XXYLT1: variants seen among roughly 807,000 people sequenced by gnomAD.
The protein encoded by XXYLT1 is xyloside xylosyltransferase 1, also known as UDP-xylose:alpha-xyloside alpha-1,3-xylosyltransferase.
Under a neutral mutation model 28.9 loss-of-function variants are expected in XXYLT1, and 20 were observed. The ratio of observed to expected loss-of-function variants is 0.69; its 90% confidence interval spans 0.49 to 1.00. The LOEUF is 1.00. XXYLT1 is among the 50% of genes least tolerant of loss of function. The pLI is 0.00. For missense variants in XXYLT1, 542 were observed against 560.1 expected (o/e 0.97, Z 0.33); for synonymous variants, 257 against 253.8 (o/e 1.01, Z -0.12).
intron 1 of XXYLT1, among the ~76,000 whole-genome samples, chr3:195,248,393 G>T (rs769380884): frequency 6.6e-6 from 1 of 152,186 alleles, no homozygotes; most frequent in South Asian, 2.1e-4. Flanking sequence ...GGTCTTTCCC[G>T]TGCAGTTCCT....
intron 3 of XXYLT1, among the ~76,000 whole-genome samples, chr3:195,112,757 G>GCACA (rs1717836866): frequency 1.2e-5 from 1 of 84,248 alleles, no homozygotes; most frequent in Non-Finnish European, 2.7e-5. Flanking sequence ...GAAGCAGTGC[G>GCACA]CGCATGCACA....
At chr3:195,212,264 AG>A (rs1356487261) in intron 2 of XXYLT1, among the ~76,000 whole-genome samples, 1 of 152,214 alleles carries the variant, frequency 6.6e-6, no homozygotes, top group Non-Finnish European at 1.5e-5. Context: ...GGCTGAAGCC[AG>A]GGCTGCTGGA....
intron 3 of XXYLT1, among the ~76,000 whole-genome samples, chr3:195,118,371 G>A (rs1304565147): frequency 6.6e-6 from 1 of 152,104 alleles, no homozygotes; most frequent in Non-Finnish European, 1.5e-5. Flanking sequence ...GGAGCCCCAT[G>A]GCCCGTGGCC....
chr3:195,165,877 A>G (rs1383748272), intron 2 of XXYLT1, among the ~76,000 whole-genome samples: 2 of 152,172 alleles, frequency 1.3e-5, no homozygotes, highest in Admixed American at 1.3e-4. Flanking sequence ...ACTGGACTAC[A>G]CACTTTACAT....
chr3:195,119,620 G>C (rs1163357783), intron 3 of XXYLT1, among the ~76,000 whole-genome samples: 1 of 151,900 alleles, frequency 6.6e-6, no homozygotes. Flanking sequence ...TGAAGCGATG[G>C]CTGGAGCTAC....
chr3:195,203,593 A>G (rs1033591421), intron 2 of XXYLT1, among the ~76,000 whole-genome samples: 3 of 152,216 alleles, frequency 2.0e-5, no homozygotes, highest in Admixed American at 1.3e-4. Context: ...CAAAGAACAG[A>G]GCTCTAGCCA....
At chr3:195,154,304 G>A (rs954556276) in intron 3 of XXYLT1, among the ~76,000 whole-genome samples, 4 of 152,164 alleles carry the variant, frequency 2.6e-5, no homozygotes, top group African/African-American at 9.7e-5. Context: ...GGGCACGTGG[G>A]CTCAAGCATG....
intron 3 of XXYLT1, among the ~76,000 whole-genome samples, chr3:195,102,220 T>C (rs1716829913): frequency 6.6e-6 from 1 of 152,214 alleles, no homozygotes; most frequent in African/African-American, 2.4e-5. Flanking sequence ...GGTAGTGAAA[T>C]GGTTACAATA....
chr3:195,128,608 C>G (rs868825530), intron 3 of XXYLT1, among the ~76,000 whole-genome samples: 1 of 152,204 alleles, frequency 6.6e-6, no homozygotes, highest in South Asian at 2.1e-4. Flanking sequence ...CTACCCTGAG[C>G]CACTGCTCCT....
chr3:195,188,712 T>C (rs1722303387), intron 2 of XXYLT1, among the ~76,000 whole-genome samples: 1 of 152,232 alleles, frequency 6.6e-6, no homozygotes, highest in South Asian at 2.1e-4. Context: ...CTAGCTCCCA[T>C]ATCTGTCCAC....
At chr3:195,138,167 C>T (rs1303350156) in intron 3 of XXYLT1, among the ~76,000 whole-genome samples, 2 of 152,194 alleles carry the variant, frequency 1.3e-5, no homozygotes, top group African/African-American at 4.8e-5. Context: ...AGTTATCTTC[C>T]CAGGAAATTT....
chr3:195,181,962 C>A (rs1721973811), intron 2 of XXYLT1, among the ~76,000 whole-genome samples: 2 of 152,326 alleles, frequency 1.3e-5, no homozygotes, highest in South Asian at 4.1e-4. Flanking sequence ...TCTATCTCAA[C>A]AAACACTCCA....
intron 2 of XXYLT1, among the ~76,000 whole-genome samples, chr3:195,187,131 G>A (rs1223776675): frequency 2.0e-5 from 3 of 151,140 alleles, no homozygotes; most frequent in Non-Finnish European, 4.4e-5. Flanking sequence ...CCAGCTACTC[G>A]GGAGGCTGAG....
At chr3:195,268,323 C>T (rs573708042) in intron 1 of XXYLT1, among the ~76,000 whole-genome samples, 231 of 151,908 alleles carry the variant, frequency 1.5e-3, no homozygotes, top group African/African-American at 5.5e-3. Flanking sequence ...CCCAGCTACT[C>T]AGGAGGCTGG....
chr3:195,121,089 G>C (rs1013375076), intron 3 of XXYLT1, among the ~76,000 whole-genome samples: 8 of 152,198 alleles, frequency 5.3e-5, no homozygotes, highest in African/African-American at 1.9e-4. Context: ...CATGCTCCCA[G>C]GGCCCAAACA....
At chr3:195,249,897 C>T (rs1725185271) in intron 1 of XXYLT1, among the ~76,000 whole-genome samples, 1 of 152,178 alleles carries the variant, frequency 6.6e-6, no homozygotes, top group South Asian at 2.1e-4. Flanking sequence ...CAGAATCCCT[C>T]CACCACCCAC....
At chr3:195,166,451 C>A (rs906909934) in intron 2 of XXYLT1, among the ~76,000 whole-genome samples, 1 of 144,002 alleles carries the variant, frequency 6.9e-6, no homozygotes, top group Non-Finnish European at 1.5e-5. Context: ...CAAGGACACT[C>A]TCTTTCAGAA....
intron 3 of XXYLT1, among the ~76,000 whole-genome samples, chr3:195,073,968 G>C (rs1410688592): frequency 3.3e-5 from 5 of 152,138 alleles, no homozygotes; most frequent in African/African-American, 1.2e-4. Context: ...GAGAGAGCCG[G>C]GCTGGAGAAT....
intron 3 of XXYLT1, among the ~76,000 whole-genome samples, chr3:195,072,898 C>T (rs898989697): frequency 2.6e-5 from 4 of 152,164 alleles, no homozygotes; most frequent in East Asian, 3.9e-4. Context: ...AGGAATGGTA[C>T]GGGGTGTGGA....
Sources: gnomAD v4.1 joint callset for allele counts (sites outside exome capture counted in the v4.1 genomes callset) on GRCh38, gnomAD v4.1.1 for gene constraint, MANE v1.5 for transcripts, NCBI Gene and HGNC (gene_info 2026-07-23, HGNC 2026-07-21) for gene names.